ZNF536: variants seen among roughly 807,000 people sequenced by gnomAD.
ZNF536 encodes the protein zinc finger protein 536.
In ZNF536, 13 loss-of-function variants were observed where a neutral mutation model predicts 84.5. The observed-to-expected ratio is 0.15, with a 90% CI of 0.10 to 0.24. The LOEUF is 0.24. Ranked by LOEUF, ZNF536 falls within the 10% of genes least tolerant of loss-of-function variation. The pLI, the probability that ZNF536 is intolerant of heterozygous loss-of-function variation, is 1.00. For synonymous variants in ZNF536, 811 were observed against 742.5 expected (o/e 1.09, Z -1.50); for missense variants, 1,536 against 1,747.5 (o/e 0.88, Z 2.16).
At chr19:30,350,466 G>A (rs2047897579) in intron 2 of ZNF536, among the ~76,000 whole-genome samples, 1 of 152,172 alleles carries the variant, frequency 6.6e-6, no homozygotes. Flanking sequence ...TACCTTACAT[G>A]TTAATTAATG....
chr19:30,319,327 T>C (rs775713917), intron 2 of ZNF536, among the ~76,000 whole-genome samples: 143 of 152,264 alleles, frequency 9.4e-4, no homozygotes, highest in Non-Finnish European at 1.7e-3. Context: ...TTTAATTTTT[T>C]TAAAACAAAT....
intron 1 of ZNF536, among the ~76,000 whole-genome samples, chr19:30,600,783 T>C (rs759647603): frequency 6.6e-5 from 10 of 152,212 alleles, no homozygotes; most frequent in Non-Finnish European, 5.9e-5. Flanking sequence ...GACTGGAGCA[T>C]AGCATCAGCC....
At chr19:30,655,709 T>C (rs1171830945) in intron 1 of ZNF536, among the ~76,000 whole-genome samples, 3 of 152,208 alleles carry the variant, frequency 2.0e-5, no homozygotes, top group African/African-American at 4.8e-5. Context: ...AATGATCTCC[T>C]TTTGCTCTTT....
chr19:30,531,968 G>T (rs1355919921), intron 2 of ZNF536, among the ~76,000 whole-genome samples: 2 of 151,974 alleles, frequency 1.3e-5, no homozygotes, highest in African/African-American at 4.8e-5. Context: ...GGTACCCAAT[G>T]CTTAGTTCCC....
intron 2 of ZNF536, among the ~76,000 whole-genome samples, chr19:30,470,985 G>GC (rs1243571591): frequency 7.9e-6 from 1 of 127,056 alleles, no homozygotes; most frequent in Non-Finnish European, 1.5e-5. Context: ...ACTGCGCCCG[G>GC]CCTTTTTTTT....
At chr19:30,439,148 A>C (rs1321479666) in intron 1 of ZNF536, among the ~76,000 whole-genome samples, 1 of 152,080 alleles carries the variant, frequency 6.6e-6, no homozygotes, top group Non-Finnish European at 1.5e-5. Flanking sequence ...CCCTCAACAC[A>C]GACATAATTA....
intron 2 of ZNF536, among the ~76,000 whole-genome samples, chr19:30,489,927 C>T (rs562462391): frequency 6.6e-6 from 1 of 152,230 alleles, no homozygotes; most frequent in Non-Finnish European, 1.5e-5. Context: ...GGTACTTGGT[C>T]ATAGATTGCT....
chr19:30,447,461 A>G (rs1437775432), intron 2 of ZNF536, among the ~76,000 whole-genome samples: 1 of 152,162 alleles, frequency 6.6e-6, no homozygotes, highest in Non-Finnish European at 1.5e-5. Flanking sequence ...CTGCTTAAAT[A>G]CCCATGAAAC....
In ZNF536 at chr19:30,673,079, C is replaced by T. The variant is rs1312205579; in HGVS notation, c.170-37678C>T. On this transcript the variant is annotated intron_variant, in intron 1 of 1. Transcript: ENST00000592773. Reference sequence around the variant, plus strand: ...GTGGAAACAGCCTGCAGGAGATGGCCCAGGGGAATGGGTGAGGACTCCAGT... The same window carrying T: ...GTGGAAACAGCCTGCAGGAGATGGCTCAGGGGAATGGGTGAGGACTCCAGT... 3.9e-5 allele frequency among the ~76,000 whole-genome samples: 6 copies of T among 152,210 alleles called. No homozygotes were observed. In the East Asian group the frequency reaches 9.7e-4, roughly 25 times the overall value.
At chr19:30,516,975 G>C (rs115498609) in intron 2 of ZNF536, among the ~76,000 whole-genome samples, 413 of 152,264 alleles carry the variant, frequency 2.7e-3, no homozygotes, top group African/African-American at 9.3e-3. Context: ...ATGTGTCACT[G>C]TCCCCTTGGC....
intron 1 of ZNF536, among the ~76,000 whole-genome samples, chr19:30,614,362 G>A (rs2048206563): frequency 6.7e-6 from 1 of 148,642 alleles, no homozygotes; most frequent in South Asian, 2.1e-4. Flanking sequence ...CCATTACCCT[G>A]TTGATGAACA....
chr19:30,254,762 C>T (rs1327738304), intron 1 of ZNF536, among the ~76,000 whole-genome samples: 1 of 152,102 alleles, frequency 6.6e-6, no homozygotes, highest in African/African-American at 2.4e-5. Context: ...AGGATTTTTA[C>T]TTGGTCTTGA....
intron 1 of ZNF536, among the ~76,000 whole-genome samples, chr19:30,269,208 C>T (rs544126001): frequency 6.6e-6 from 1 of 152,136 alleles, no homozygotes; most frequent in African/African-American, 2.4e-5. Flanking sequence ...CCGCAGGAAC[C>T]CTGCCACCTG....
intron 2 of ZNF536, among the ~76,000 whole-genome samples, chr19:30,521,283 G>A (rs1408871899): frequency 6.6e-6 from 1 of 152,234 alleles, no homozygotes; most frequent in Non-Finnish European, 1.5e-5. Flanking sequence ...CTCTGTGCAT[G>A]TCTGGGGGCT....
intron 1 of ZNF536, among the ~76,000 whole-genome samples, chr19:30,612,883 G>T (rs1031620684): frequency 2.0e-5 from 3 of 152,204 alleles, no homozygotes; most frequent in Admixed American, 2.0e-4. Flanking sequence ...CTCTGGGCCA[G>T]GGTCCAATCC....
chr19:30,679,678 C>T (rs940364729), intron 1 of ZNF536, among the ~76,000 whole-genome samples: 20 of 152,318 alleles, frequency 1.3e-4, no homozygotes, highest in Middle Eastern at 3.4e-3. Context: ...AAGGCAGGTG[C>T]GTGTCGGCTC....
intron 1 of ZNF536, among the ~76,000 whole-genome samples, chr19:30,442,079 C>G (rs533975283): frequency 8.3e-4 from 126 of 152,354 alleles, no homozygotes; most frequent in African/African-American, 2.9e-3. Flanking sequence ...CCCAACACAT[C>G]TAAACAATGG....
intron 1 of ZNF536, among the ~76,000 whole-genome samples, chr19:30,589,151 G>C (rs2047193840): frequency 6.6e-6 from 1 of 152,110 alleles, no homozygotes; most frequent in Non-Finnish European, 1.5e-5. Context: ...CCAACCCTAG[G>C]GCCATGCTTG....
chr19:30,551,591 G>A (rs189487605), intron 4 of ZNF536, among the ~76,000 whole-genome samples: 1 of 152,286 alleles, frequency 6.6e-6, no homozygotes, highest in East Asian at 1.9e-4. Flanking sequence ...TCTTTCATGG[G>A]GCTTGGGGAC....
Sources: gnomAD v4.1 joint callset for allele counts (sites outside exome capture counted in the v4.1 genomes callset) on GRCh38, gnomAD v4.1.1 for gene constraint, MANE v1.5 for transcripts, NCBI Gene and HGNC (gene_info 2026-07-23, HGNC 2026-07-21) for gene names.